TRMT44: variants seen among roughly 807,000 people sequenced by gnomAD.
The protein encoded by TRMT44 is probable tRNA (uracil-O(2)-)-methyltransferase.
TRMT44 carries 78 observed loss-of-function variants against 77.3 expected under a neutral mutation model. That is an observed-to-expected ratio of 1.01 (90% confidence interval 0.84 to 1.22). TRMT44 has a LOEUF of 1.22. Among genes scored for constraint, TRMT44 ranks in the 50% most tolerant of loss-of-function variants. TRMT44 has a pLI of 0.00. For missense variants in TRMT44, 1,090 were observed against 964.4 expected, an observed-to-expected ratio of 1.13 and a Z score of -1.73; for synonymous variants, 391 against 383.3, an observed-to-expected ratio of 1.02 and a Z score of -0.23.
At chr4:8,480,212 G>C (rs1053963316), downstream of TRMT44, among the ~76,000 whole-genome samples, 2 of 152,228 alleles carry the variant, frequency 1.3e-5, no homozygotes, top group Non-Finnish European at 2.9e-5. Context: ...ACTGAGGCAA[G>C]TTTCCGAGCG....
chr4:8,515,245 G>A, the TRMT44 span, among the ~76,000 whole-genome samples: 1 of 152,196 alleles, frequency 6.6e-6, no homozygotes, highest in Non-Finnish European at 1.5e-5. Context: ...GGGATTACAG[G>A]TGTGAGCCAA....
chr4:8,443,634 G>T (rs749343156), intron 1 of TRMT44, among the ~76,000 whole-genome samples: 42 of 152,232 alleles, frequency 2.8e-4, no homozygotes, highest in Non-Finnish European at 5.3e-4. Context: ...CTGGCACATG[G>T]TAAGTGCCTA....
In TRMT44 at chr4:8,488,385, C is replaced by T. The variant is rs540043493; in HGVS notation, n.3892-4881C>T. Among the ~76,000 whole-genome samples, 19 of 152,066 alleles carry T rather than the reference C, an allele frequency of 1.2e-4. No homozygotes were observed. In the South Asian group the frequency reaches 2.7e-3, roughly 22 times the overall value. Reference sequence around the variant, plus strand: ...CAGCGAAGGGAGATAGGGGTGGGGCCGTTTTATAAGATTTGGTTAGGTAAA... The same window carrying T: ...CAGCGAAGGGAGATAGGGGTGGGGCTGTTTTATAAGATTTGGTTAGGTAAA... On this transcript the variant is annotated intron_variant and non_coding_transcript_variant, in intron 2 of 2. Coordinates refer to the TRMT44 transcript ENST00000511366.
At chr4:8,443,756 C>G (rs568896837) in intron 1 of TRMT44, among the ~76,000 whole-genome samples, 7 of 152,094 alleles carry the variant, frequency 4.6e-5, no homozygotes, top group African/African-American at 1.4e-4. Flanking sequence ...TGTGACTGTT[C>G]GAGACCAGCC....
chr4:8,488,411 G>A (rs573379066), intron 2 of TRMT44, among the ~76,000 whole-genome samples: 2 of 152,328 alleles, frequency 1.3e-5, no homozygotes, highest in East Asian at 3.9e-4. Context: ...GTTAGGTAAA[G>A]GAAAATTACA....
In TRMT44 at chr4:8,483,986, T is replaced by G. The variant is rs186293120; in HGVS notation, n.3891+4453T>G. ...GTGTAGGGAAGGGAGGGGGCCTGAATAATCCCTGAGGAGTAGTAGAATAGC... is the reference window on the plus strand; with the variant it reads ...GTGTAGGGAAGGGAGGGGGCCTGAAGAATCCCTGAGGAGTAGTAGAATAGC... On this transcript the variant is annotated intron_variant and non_coding_transcript_variant, in intron 2 of 2. Transcript: ENST00000511366. Among the ~76,000 whole-genome samples the G allele has an allele frequency of 2.0e-3, 305 of 152,222 alleles. 2 individuals carry two copies. Among genetic ancestry groups the G allele is most frequent in the African/African-American group, 6.9e-3 (285 of 41,522 alleles).
intron 5 of TRMT44, among the ~76,000 whole-genome samples, chr4:8,453,931 C>T (rs1053489254): frequency 6.6e-6 from 1 of 152,154 alleles, no homozygotes; most frequent in African/African-American, 2.4e-5. Flanking sequence ...TGCCCTTTTT[C>T]AAGTGTGTTA....
downstream of TRMT44, among the ~76,000 whole-genome samples, chr4:8,495,342 AG>A (rs1728120097): frequency 6.6e-6 from 1 of 152,196 alleles, no homozygotes; most frequent in Non-Finnish European, 1.5e-5. Context: ...CAACTGCCAG[AG>A]TCAGGATTTC....
intron 6 of TRMT44, among the ~76,000 whole-genome samples, chr4:8,463,764 C>T (rs998337001): frequency 3.3e-5 from 5 of 152,210 alleles, no homozygotes; most frequent in East Asian, 1.9e-4. Flanking sequence ...TTAGTTTCTC[C>T]GGTGATTTCC....
the TRMT44 span, among the ~76,000 whole-genome samples, chr4:8,501,988 C>T: frequency 2.4e-4 from 37 of 152,360 alleles, no homozygotes; most frequent in Non-Finnish European, 4.6e-4. This position sits in a 1 kb window ranked among gnomAD's most constrained non-coding sequence, Gnocchi z 4.4. Context: ...AGTAACTCCT[C>T]TCCCAGGAGG....
At chr4:8,480,524 A>C (rs531675855), downstream of TRMT44, among the ~76,000 whole-genome samples, 5 of 152,326 alleles carry the variant, frequency 3.3e-5, no homozygotes, top group African/African-American at 1.2e-4. Context: ...CCAGAAGGTC[A>C]TACTCTGCCA....
downstream of TRMT44, among the ~76,000 whole-genome samples, chr4:8,480,953 A>C (rs1186685085): frequency 6.6e-6 from 1 of 152,204 alleles, no homozygotes; most frequent in Non-Finnish European, 1.5e-5. Flanking sequence ...TGTGGGGGAA[A>C]ATTTGCATCT....
chr4:8,514,372 C>T, the TRMT44 span, among the ~76,000 whole-genome samples: 5 of 150,122 alleles, frequency 3.3e-5, no homozygotes, highest in Non-Finnish European at 5.9e-5. Context: ...GTGGTGCGAT[C>T]TTGGCTCACT....
intron 1 of TRMT44, among the ~76,000 whole-genome samples, chr4:8,445,483 A>G (rs561015997): frequency 4.6e-5 from 7 of 152,098 alleles, no homozygotes; most frequent in Admixed American, 1.3e-4. Context: ...ACTCACCTCC[A>G]TTCCCCATGC....
chr4:8,502,914 A>T, the TRMT44 span, among the ~76,000 whole-genome samples: 1 of 152,228 alleles, frequency 6.6e-6, no homozygotes, highest in South Asian at 2.1e-4. Flanking sequence ...GATTGGCCCA[A>T]GACCACTTCT....
chr4:8,466,581 C>T (rs752414615), intron 8 of TRMT44, among the ~76,000 whole-genome samples: 13 of 152,266 alleles, frequency 8.5e-5, no homozygotes, highest in Non-Finnish European at 1.5e-4. Flanking sequence ...GCTGAACCGT[C>T]CCGTCATCCT....
chr4:8,505,220 G>A, the TRMT44 span, among the ~76,000 whole-genome samples: 3 of 152,234 alleles, frequency 2.0e-5, no homozygotes, highest in African/African-American at 4.8e-5. Context: ...GTGCTGCTCC[G>A]GCTGTGACTC....
chr4:8,489,163 A>G (rs1303693882), intron 2 of TRMT44, among the ~76,000 whole-genome samples: 2 of 152,210 alleles, frequency 1.3e-5, no homozygotes, highest in Non-Finnish European at 2.9e-5. Context: ...CCCTGGCCCC[A>G]TGTGCTCACT....
chr4:8,441,986 A>T (rs1579026426), intron 1 of TRMT44, among the ~76,000 whole-genome samples: 1 of 152,248 alleles, frequency 6.6e-6, no homozygotes, highest in African/African-American at 2.4e-5. Flanking sequence ...GTGGCGGTTT[A>T]AATGAATCTC....
Sources: allele counts gnomAD v4.1 joint callset (sites outside exome capture counted in the v4.1 genomes callset), GRCh38; gene constraint gnomAD v4.1.1; non-coding constraint Gnocchi (gnomAD v3.1); transcripts MANE v1.5; gene names NCBI Gene and HGNC (gene_info 2026-07-23, HGNC 2026-07-21).